The following SLC2A9 variants were observed in gnomAD, a reference collection of about 807,000 sequenced individuals.
SLC2A9 encodes solute carrier family 2, facilitated glucose transporter member 9.
A neutral mutation model predicts 50.6 loss-of-function variants in SLC2A9; 39 were observed. The observed-to-expected ratio is 0.77, with a 90% CI of 0.60 to 1.01. SLC2A9 has a LOEUF of 1.01. SLC2A9 is among the 50% of genes least tolerant of loss of function. The probability of loss-of-function intolerance (pLI) is 0.00; values close to 1 mark genes in which losing one functional copy is unlikely to be tolerated. For missense variants in SLC2A9, 686 were observed against 677.6 expected, an observed-to-expected ratio of 1.01 and a Z score of -0.14; for synonymous variants, 324 against 276.9, an observed-to-expected ratio of 1.17 and a Z score of -1.69.
At chr4:9,988,992 T>C (rs930862742) in intron 3 of SLC2A9, among the ~76,000 whole-genome samples, 5 of 152,250 alleles carry the variant, frequency 3.3e-5, no homozygotes, top group African/African-American at 1.2e-4. Context: ...TAAACCCTAG[T>C]AGACCAGAGA....
intron 11 of SLC2A9, among the ~76,000 whole-genome samples, chr4:9,829,627 G>A (rs772508063): frequency 2.6e-5 from 4 of 152,004 alleles, no homozygotes; most frequent in Non-Finnish European, 5.9e-5. Context: ...ATCTGACAGA[G>A]GTCTAATATC....
chr4:9,999,446 T>C (rs1294073913), intron 2 of SLC2A9, among the ~76,000 whole-genome samples: 1 of 152,166 alleles, frequency 6.6e-6, no homozygotes, highest in Non-Finnish European at 1.5e-5. Flanking sequence ...ATATACTCTT[T>C]TGTATGCATA....
chr4:9,838,330 G>A (rs1361845450), intron 10 of SLC2A9, among the ~76,000 whole-genome samples: 1 of 152,034 alleles, frequency 6.6e-6, no homozygotes, highest in Non-Finnish European at 1.5e-5. Flanking sequence ...TCTACAAGGA[G>A]AACTACAAAC....
chr4:9,996,786 A>G lies in SLC2A9; in HGVS notation c.405T>C (p.Leu135=), dbSNP rs749347581. 1 of 1,613,718 alleles carries G rather than the reference A, an allele frequency of 6.2e-7. No individual in the cohort carries two copies. The highest frequency in any genetic ancestry group is 1.7e-5 in the Admixed American group (1 of 60,004). ...AGAGACAGCCTCCTACTGACCTCCCAAGAACCTTTCCAATCATCTTCACAA... is the reference window on the plus strand; with the variant it reads ...AGAGACAGCCTCCTACTGACCTCCCGAGAACCTTTCCAATCATCTTCACAA... ...TLIVKMIGKV[L]GRKHTLLANN... is the part of the protein sequence containing the mutation. The change falls in exon 3 of 12, where the codon CTT becomes CTC. Residue 135 remains leucine, a synonymous_variant. Transcript: ENST00000264784.
downstream of SLC2A9, among the ~76,000 whole-genome samples, chr4:9,776,069 C>T (rs1427831338): frequency 5.3e-5 from 8 of 151,978 alleles, no homozygotes; most frequent in East Asian, 9.7e-4. Flanking sequence ...CAAGGGAACC[C>T]GAGGGAAGGG....
At chr4:9,919,610 G>T (rs1352301438) in intron 7 of SLC2A9, among the ~76,000 whole-genome samples, 1 of 152,080 alleles carries the variant, frequency 6.6e-6, no homozygotes, top group East Asian at 1.9e-4. Context: ...CTCTCTCTGG[G>T]TTCAGTCAGT....
chr4:9,972,384 A>AAT (rs1259452079), intron 5 of SLC2A9, among the ~76,000 whole-genome samples: 1 of 152,206 alleles, frequency 6.6e-6, no homozygotes, highest in African/African-American at 2.4e-5. Flanking sequence ...TTTTAAAAAA[A>AAT]ATATATCATT....
chr4:10,019,692 G>A (rs1416938404), intron 1 of SLC2A9, among the ~76,000 whole-genome samples: 3 of 152,236 alleles, frequency 2.0e-5, no homozygotes, highest in African/African-American at 7.2e-5. Flanking sequence ...AGACAGATGT[G>A]CACACACGCT....
intron 4 of SLC2A9, among the ~76,000 whole-genome samples, chr4:9,985,228 T>A (rs768585831): frequency 1.3e-5 from 2 of 152,130 alleles, no homozygotes; most frequent in East Asian, 3.8e-4. Flanking sequence ...AATCATTGTG[T>A]CTCCATCCTA....
intron 6 of SLC2A9, among the ~76,000 whole-genome samples, chr4:9,921,756 T>G (rs1223959368): frequency 3.3e-5 from 5 of 152,216 alleles, no homozygotes; most frequent in African/African-American, 1.2e-4. Flanking sequence ...GAATGAGCAA[T>G]GTTTCTGTTT....
chr4:9,946,566 G>A (rs999935078), intron 5 of SLC2A9, among the ~76,000 whole-genome samples: 1 of 152,180 alleles, frequency 6.6e-6, no homozygotes, highest in Non-Finnish European at 1.5e-5. Context: ...ATTGGAAAGG[G>A]GAAGAGCAAG....
At position 9,934,117 on chromosome 4, in the gene SLC2A9, G is replaced by A. The variant is rs370402721; in HGVS notation, c.814+7796C>T. 4.6e-5 allele frequency among the ~76,000 whole-genome samples: 7 copies of A among 152,264 alleles called. No homozygotes were observed. In the East Asian group the frequency reaches 9.6e-4, roughly 21 times the overall value. ...TCACAGGTTCTGGGAAGAAGGAAGT[G>A]GACATCTTTCAGGGTGGGGTGGAGG... On this transcript the variant is annotated intron_variant, in intron 6 of 11. Coordinates refer to ENST00000264784, the MANE Select transcript of SLC2A9 (RefSeq NM_020041.3).
Position 9,980,830 on chromosome 4 carries a change from T to C in SLC2A9, c.536-93A>G. ...TGCCTCTCTTGGCTCTGCTTTGCCC[T>C]GGACATTAAATAGCACTGTAGCCAC... On this transcript the variant is annotated intron_variant, in intron 4 of 11. Transcript: ENST00000264784. 3 of 1,555,260 alleles carry C rather than the reference T, an allele frequency of 1.9e-6. No homozygotes were observed. In the South Asian group the frequency reaches 3.4e-5, roughly 18 times the overall value.
chr4:9,796,480 C>T (rs1026924308), downstream of SLC2A9, among the ~76,000 whole-genome samples: 3 of 152,164 alleles, frequency 2.0e-5, no homozygotes, highest in Non-Finnish European at 4.4e-5. Context: ...TATCATGCCT[C>T]CTTATGCAGT....
chr4:9,861,310 C>T (rs1359955726), intron 10 of SLC2A9, among the ~76,000 whole-genome samples: 5 of 151,984 alleles, frequency 3.3e-5, no homozygotes, highest in East Asian at 1.9e-4. Context: ...CACTTTTAAA[C>T]GATGGGATCT....
chr4:10,002,243 C>G (rs374242735), intron 2 of SLC2A9, among the ~76,000 whole-genome samples: 3 of 152,312 alleles, frequency 2.0e-5, no homozygotes, highest in East Asian at 3.9e-4. Context: ...TGTGAGCAAC[C>G]CACTCTTTTC....
intron 3 of SLC2A9, among the ~76,000 whole-genome samples, chr4:9,793,886 C>G (rs576825105): frequency 6.6e-6 from 1 of 152,318 alleles, no homozygotes; most frequent in South Asian, 2.1e-4. Context: ...CTTTCTGTCC[C>G]TCTCTCCCCT....
At position 10,019,034 on chromosome 4, in the gene SLC2A9, C is replaced by A. The variant is rs1295373181; in HGVS notation, c.190G>T (p.Ala64Ser). The A allele has an allele frequency of 6.4e-7, 1 of 1,550,920 alleles. No individual in the cohort carries two copies. Among genetic ancestry groups the A allele is most frequent in the Non-Finnish European group, 8.7e-7 (1 of 1,146,970 alleles). Residue 64 changes from alanine to serine, a missense_variant, in exon 2 of 12, where the codon GCC becomes TCC. Ala to Ser is a moderately conservative substitution (Grantham distance 99). Coordinates refer to ENST00000264784, the MANE Select transcript of SLC2A9 (RefSeq NM_020041.3). ...CCGTAGAGGAAGGAGGAGCCGAAGGCGCCCGCGAGGGAGGCCACGAGGAGC... is the reference window on the plus strand; with the variant it reads ...CCGTAGAGGAAGGAGGAGCCGAAGGAGCCCGCGAGGGAGGCCACGAGGAGC... ...CSLLVASLAGAFGSSFLYGYN... is the reference protein window; with the variant it reads ...CSLLVASLAGSFGSSFLYGYN...
chr4:9,936,988 ATGT>A (rs1367726972), intron 6 of SLC2A9, among the ~76,000 whole-genome samples: 1 of 152,220 alleles, frequency 6.6e-6, no homozygotes, highest in Non-Finnish European at 1.5e-5. Context: ...TGGTAAAGAA[ATGT>A]TGAACTTCCT....
Sources: gnomAD v4.1 joint callset for allele counts (sites outside exome capture counted in the v4.1 genomes callset) on GRCh38, gnomAD v4.1.1 for gene constraint, MANE v1.5 for transcripts, NCBI Gene and HGNC (gene_info 2026-07-23, HGNC 2026-07-21) for gene names.